Variants in RORA observed in about 807,000 individuals in gnomAD.
RORA encodes the protein RAR related orphan receptor A.
Under a neutral mutation model 69.5 loss-of-function variants are expected in RORA, and 7 were observed. That is an observed-to-expected ratio of 0.10 (90% CI 0.06 to 0.19). The LOEUF (loss-of-function observed/expected upper bound fraction) is 0.19. Ranked by LOEUF, RORA falls within the 10% of genes least tolerant of loss-of-function variation. The pLI is 1.00. For synonymous variants in RORA, 261 were observed against 240.8 expected (o/e 1.08, Z -0.78); for missense variants, 457 against 663.0 (o/e 0.69, Z 3.41).
intron 1 of RORA, among the ~76,000 whole-genome samples, chr15:61,106,175 T>C (rs562613726): frequency 2.0e-4 from 30 of 152,326 alleles, no homozygotes; most frequent in African/African-American, 6.7e-4. Context: ...ACCATCTTGT[T>C]CAATGAGAAA....
At chr15:60,921,219 G>A (rs1402031740) in intron 1 of RORA, among the ~76,000 whole-genome samples, 2 of 152,056 alleles carry the variant, frequency 1.3e-5, no homozygotes, top group Non-Finnish European at 2.9e-5. Flanking sequence ...ATCCACCTGA[G>A]GACATGTATA....
chr15:60,556,835 G>C, intron 2 of RORA: 1 of 1,581,812 alleles, frequency 6.3e-7, no homozygotes, highest in Non-Finnish European at 8.7e-7. Flanking sequence ...GCAAATTACA[G>C]TGGATGTTTC....
chr15:60,522,625 C>T (rs1006194578), intron 3 of RORA, among the ~76,000 whole-genome samples: 7 of 151,668 alleles, frequency 4.6e-5, no homozygotes, highest in African/African-American at 1.7e-4. Flanking sequence ...AAACAATTAG[C>T]CAGGTGTAGT....
At position 60,490,523 on chromosome 15, in the gene RORA, AG is replaced by A. The variant is rs2065025192; in HGVS notation, c.*6931del. On this transcript the variant is annotated 3_prime_UTR_variant, in exon 11 of 11. Transcript: ENST00000335670. This position sits in a 1 kb window ranked among gnomAD's most constrained non-coding sequence, Gnocchi z 4.1. ...ACATTAAATATTATGACTCAAAAGC[AG>A]GGACAGGTAAATTTGAAAGAAGAGT... is the stretch of plus-strand genomic sequence containing the variant. The A allele has an allele frequency of 6.6e-6, 1 of 152,182 alleles. No homozygotes were observed. The allele number at this position is 152,182 out of a possible 1,614,324, so 9.4% of individuals were successfully genotyped here. A position where few individuals can be genotyped will look rare whatever the true frequency, so the allele number is the denominator to read the frequency against.
intron 1 of RORA, among the ~76,000 whole-genome samples, chr15:61,079,609 T>C (rs1013093081): frequency 2.6e-5 from 4 of 152,230 alleles, no homozygotes; most frequent in African/African-American, 9.6e-5. Context: ...ATTGGCATTG[T>C]TGAATTTTTT....
chr15:61,084,825 C>CTTTT (rs34566111), intron 1 of RORA, among the ~76,000 whole-genome samples: 2 of 138,764 alleles, frequency 1.4e-5, no homozygotes, highest in Non-Finnish European at 1.6e-5. Flanking sequence ...TCTACCCATC[C>CTTTT]TTTTTTTTTT....
chr15:61,166,941 G>A (rs1459041436), intron 1 of RORA, among the ~76,000 whole-genome samples: 1 of 152,086 alleles, frequency 6.6e-6, no homozygotes, highest in Non-Finnish European at 1.5e-5. Flanking sequence ...ACAATTATCT[G>A]AGCCCAGCTA....
intron 2 of RORA, among the ~76,000 whole-genome samples, chr15:60,536,070 C>A (rs1273063332): frequency 1.3e-5 from 2 of 152,202 alleles, no homozygotes; most frequent in Admixed American, 6.5e-5. Context: ...GGCCACTGAT[C>A]TCAGTTTCAC....
chr15:60,636,106 G>T (rs888495300), intron 2 of RORA, among the ~76,000 whole-genome samples: 1 of 152,166 alleles, frequency 6.6e-6, no homozygotes, highest in African/African-American at 2.4e-5. Flanking sequence ...AATGTTCTGT[G>T]TGTATCTAGA....
chr15:60,941,262 T>G (rs1892687258), intron 1 of RORA, among the ~76,000 whole-genome samples: 1 of 152,218 alleles, frequency 6.6e-6, no homozygotes, highest in East Asian at 1.9e-4. Flanking sequence ...TGAGTGTGGT[T>G]TCACTTCCTT....
chr15:60,857,562 A>G (rs2073393966), intron 1 of RORA, among the ~76,000 whole-genome samples: 1 of 151,954 alleles, frequency 6.6e-6, no homozygotes, highest in African/African-American at 2.4e-5. Flanking sequence ...TTTCCCATAC[A>G]AACAGAGGAA....
chr15:60,991,676 T>C (rs138200080), intron 1 of RORA, among the ~76,000 whole-genome samples: 10 of 152,228 alleles, frequency 6.6e-5, no homozygotes, highest in Admixed American at 3.3e-4. Context: ...GGCGAGAGGA[T>C]TGCTTGATCC....
At chr15:60,958,303 A>G (rs540432581) in intron 1 of RORA, among the ~76,000 whole-genome samples, 2 of 152,292 alleles carry the variant, frequency 1.3e-5, no homozygotes, top group African/African-American at 4.8e-5. Context: ...TTTCATCTTG[A>G]TAAGAAGCTG....
At chr15:61,228,514 G>T (rs1337792223) in intron 1 of RORA, among the ~76,000 whole-genome samples, 3 of 141,534 alleles carry the variant, frequency 2.1e-5, no homozygotes, top group African/African-American at 8.0e-5. Flanking sequence ...GGACTTCCCA[G>T]GTCGCTCACT....
chr15:61,124,800 CATCTGATAAGAA>C (rs2079130204), intron 1 of RORA, among the ~76,000 whole-genome samples: 1 of 152,168 alleles, frequency 6.6e-6, no homozygotes, highest in African/African-American at 2.4e-5. Context: ...TCAGTTTCTC[CATCTGATAAGAA>C]GATCACACTT....
chr15:60,848,289 G>C (rs2073288790), intron 1 of RORA: 1 of 152,312 alleles, frequency 6.6e-6, no homozygotes, highest in Admixed American at 6.5e-5. Flanking sequence ...CATGGCAAAA[G>C]AGACTCAAAG....
chr15:60,881,768 G>C (rs1210481495), intron 1 of RORA, among the ~76,000 whole-genome samples: 1 of 152,070 alleles, frequency 6.6e-6, no homozygotes. Context: ...TCAAACCAGG[G>C]GGCCATTCAC....
intron 1 of RORA, among the ~76,000 whole-genome samples, chr15:61,171,791 CAAT>C (rs1034886567): frequency 2.6e-5 from 4 of 152,198 alleles, no homozygotes; most frequent in Admixed American, 2.6e-4. Flanking sequence ...CTCAGCCAAA[CAAT>C]AAAATGCAAG....
intron 1 of RORA, among the ~76,000 whole-genome samples, chr15:60,783,977 C>G (rs139905383): frequency 6.6e-6 from 1 of 152,312 alleles, no homozygotes; most frequent in East Asian, 1.9e-4. Context: ...GATTTCTGGT[C>G]AAACCTAGGG....
Sources: allele counts gnomAD v4.1 joint callset (sites outside exome capture counted in the v4.1 genomes callset), GRCh38; gene constraint gnomAD v4.1.1; non-coding constraint Gnocchi (gnomAD v3.1); transcripts MANE v1.5; gene names NCBI Gene and HGNC (gene_info 2026-07-23, HGNC 2026-07-21).